The following SLIT3 variants were observed in gnomAD, a reference collection of about 807,000 sequenced individuals.
SLIT3 encodes the protein slit guidance ligand 3, also known as slit homolog 3 protein.
Under a neutral mutation model 184.0 loss-of-function variants are expected in SLIT3, and 68 were observed. The observed-to-expected ratio is 0.37, with a 90% CI of 0.30 to 0.45. The LOEUF (loss-of-function observed/expected upper bound fraction) is 0.45, where lower values mean the gene tolerates loss of function less well. Among genes scored for constraint, SLIT3 ranks in the 20% least tolerant of loss-of-function variants. The pLI is 1.00. For missense variants in SLIT3, 1,707 were observed against 2,026.0 expected (o/e 0.84, Z 3.02); for synonymous variants, 831 against 828.6 (o/e 1.00, Z -0.05).
At chr5:168,882,430 C>T (rs755534461) in intron 5 of SLIT3, among the ~76,000 whole-genome samples, 15 of 152,320 alleles carry the variant, frequency 9.8e-5, no homozygotes, top group Admixed American at 1.3e-4. Flanking sequence ...CACGCTGGAA[C>T]AGTCCTGCGC....
intron 4 of SLIT3, among the ~76,000 whole-genome samples, chr5:169,181,740 C>CA (rs11452806): frequency 0.58 from 81,918 of 141,306 alleles, 24,376 homozygotes; most frequent in Middle Eastern, 0.7. Flanking sequence ...GACTTCATCT[C>CA]AAAAAAAAAA....
chr5:168,681,908 G>C (rs925059533), intron 32 of SLIT3, among the ~76,000 whole-genome samples: 2 of 152,202 alleles, frequency 1.3e-5, no homozygotes, highest in African/African-American at 4.8e-5. Context: ...CTCAGTGACT[G>C]CCCTAAGAGG....
intron 4 of SLIT3, among the ~76,000 whole-genome samples, chr5:168,920,979 T>C (rs938554391): frequency 2.0e-5 from 3 of 152,190 alleles, no homozygotes; most frequent in Admixed American, 6.5e-5. Context: ...GACACATTGC[T>C]CTGCTCCTTG....
intron 4 of SLIT3, among the ~76,000 whole-genome samples, chr5:169,140,296 C>T (rs1280373725): frequency 1.1e-5 from 1 of 89,668 alleles, no homozygotes; most frequent in Admixed American, 1.4e-4. Flanking sequence ...AACCCCGCCT[C>T]TACTAAAAAT....
At chr5:168,892,576 C>T (rs558188190) in intron 4 of SLIT3, among the ~76,000 whole-genome samples, 1 of 152,330 alleles carries the variant, frequency 6.6e-6, no homozygotes, top group African/African-American at 2.4e-5. Context: ...GGCAGCAAGC[C>T]ATGGTTTAGA....
At chr5:169,107,035 G>A (rs1760237683) in intron 4 of SLIT3, among the ~76,000 whole-genome samples, 1 of 152,252 alleles carries the variant, frequency 6.6e-6, no homozygotes. Context: ...AAGGCCGCCT[G>A]CCCTGTGCAG....
intron 1 of SLIT3, among the ~76,000 whole-genome samples, chr5:169,258,593 C>T (rs1425910438): frequency 6.6e-6 from 1 of 152,170 alleles, no homozygotes; most frequent in Non-Finnish European, 1.5e-5. Context: ...GATTGTTTTT[C>T]CCCATCCCAA....
At chr5:169,033,347 T>A (rs2113529995) in intron 4 of SLIT3, among the ~76,000 whole-genome samples, 1 of 152,290 alleles carries the variant, frequency 6.6e-6, no homozygotes, top group South Asian at 2.1e-4. Context: ...CATTTGTCTG[T>A]CACCGGACAC....
intron 14 of SLIT3, chr5:168,772,450 G>A: frequency 3.1e-6 from 1 of 322,726 alleles, no homozygotes; most frequent in Non-Finnish European, 5.7e-6. Context: ...ATAAATCTTA[G>A]CCTGTAACAG....
At chr5:169,206,390 A>G (rs1433350805) in intron 3 of SLIT3, among the ~76,000 whole-genome samples, 1 of 152,216 alleles carries the variant, frequency 6.6e-6, no homozygotes, top group Non-Finnish European at 1.5e-5. Flanking sequence ...TCTCTGGGTT[A>G]TTCTAGGCCT....
intron 3 of SLIT3, among the ~76,000 whole-genome samples, chr5:169,216,834 C>T (rs777114399): frequency 6.6e-6 from 1 of 152,116 alleles, no homozygotes. Flanking sequence ...TTCAGCAGCC[C>T]GCAGCAGTGC....
chr5:168,741,414 T>C (rs1274008910), intron 20 of SLIT3, among the ~76,000 whole-genome samples: 3 of 130,654 alleles, frequency 2.3e-5, no homozygotes, highest in Non-Finnish European at 4.7e-5. Context: ...GAGCTTGCAG[T>C]AAGCCGAGAT....
intron 4 of SLIT3, among the ~76,000 whole-genome samples, chr5:169,000,392 CAAAAAAAAAAAA>C (rs34002967): frequency 2.4e-5 from 1 of 42,316 alleles, no homozygotes; most frequent in African/African-American, 1.0e-4. Context: ...AACTCCATCT[CAAAAAAAAAAAA>C]AAAAAAAAAA....
chr5:169,150,838 C>T (rs959112781), intron 4 of SLIT3, among the ~76,000 whole-genome samples: 1 of 152,158 alleles, frequency 6.6e-6, no homozygotes, highest in African/African-American at 2.4e-5. Flanking sequence ...AAATTACCTG[C>T]CATTCTTAAA....
chr5:169,143,668 G>A (rs971033298), intron 4 of SLIT3, among the ~76,000 whole-genome samples: 1 of 152,168 alleles, frequency 6.6e-6, no homozygotes, highest in African/African-American at 2.4e-5. Flanking sequence ...GGGCATTGTG[G>A]TGCATGCCTG....
chr5:168,900,664 T>C (rs890737023), intron 4 of SLIT3, among the ~76,000 whole-genome samples: 18 of 152,212 alleles, frequency 1.2e-4, no homozygotes, highest in Non-Finnish European at 2.1e-4. Flanking sequence ...TGCACTTGTA[T>C]GTTTATCTTA....
At chr5:169,082,182 G>C (rs12186836) in intron 4 of SLIT3, among the ~76,000 whole-genome samples, 2,223 of 152,302 alleles carry the variant, frequency 0.015, 23 homozygotes, top group Middle Eastern at 0.024. Flanking sequence ...TCCTCGAGTA[G>C]AAGCCATGTG....
chr5:168,777,255 T>C (rs1270503014), intron 12 of SLIT3, among the ~76,000 whole-genome samples: 1 of 152,200 alleles, frequency 6.6e-6, no homozygotes, highest in Non-Finnish European at 1.5e-5. Context: ...GCCACAGTCC[T>C]CACTATTCCC....
intron 4 of SLIT3, among the ~76,000 whole-genome samples, chr5:169,183,161 C>T (rs747261034): frequency 6.6e-6 from 1 of 152,218 alleles, no homozygotes; most frequent in Non-Finnish European, 1.5e-5. Flanking sequence ...TTCAACAATA[C>T]TTTAGTTGTC....
Sources: allele counts gnomAD v4.1 joint callset (sites outside exome capture counted in the v4.1 genomes callset), GRCh38; gene constraint gnomAD v4.1.1; transcripts MANE v1.5; gene names NCBI Gene and HGNC (gene_info 2026-07-23, HGNC 2026-07-21).